KIDINS220: variants seen among roughly 807,000 people sequenced by gnomAD.
KIDINS220 encodes kinase D-interacting substrate of 220 kDa.
KIDINS220 carries 63 observed loss-of-function variants against 157.6 expected under a neutral mutation model. The ratio of observed to expected loss-of-function variants is 0.40; its 90% confidence interval spans 0.33 to 0.49. The LOEUF (loss-of-function observed/expected upper bound fraction) is 0.49, where lower values mean the gene tolerates loss of function less well. Ranked by LOEUF, KIDINS220 falls within the 20% of genes least tolerant of loss-of-function variation. KIDINS220 has a pLI of 0.66. For missense variants in KIDINS220, 1,772 were observed against 2,171.2 expected (o/e 0.82, Z 3.65); for synonymous variants, 732 against 783.6 (o/e 0.93, Z 1.10).
At chr2:8,762,852 G>T (rs1668956473) in intron 22 of KIDINS220, among the ~76,000 whole-genome samples, 1 of 152,194 alleles carries the variant, frequency 6.6e-6, no homozygotes, top group African/African-American at 2.4e-5. Flanking sequence ...ACAAACAGAT[G>T]TACCAGATGT....
At chr2:8,817,970 C>T (rs1271731830) in intron 3 of KIDINS220, among the ~76,000 whole-genome samples, 2 of 152,148 alleles carry the variant, frequency 1.3e-5, no homozygotes, top group Non-Finnish European at 2.9e-5. Context: ...TAATCATATA[C>T]TGCGCTTTTT....
At chr2:8,786,785 T>C (rs1252258393) in intron 15 of KIDINS220, among the ~76,000 whole-genome samples, 1 of 152,150 alleles carries the variant, frequency 6.6e-6, no homozygotes, top group Admixed American at 6.5e-5. Context: ...AAAATATTAA[T>C]TACAGTCATT....
chr2:8,758,797 T>TCA (rs1289833155), intron 22 of KIDINS220, among the ~76,000 whole-genome samples: 1 of 152,182 alleles, frequency 6.6e-6, no homozygotes, highest in Non-Finnish European at 1.5e-5. Context: ...ATTCCATGAG[T>TCA]CACCTTTCCT....
At chr2:8,739,996 T>C (rs2147990740) in intron 26 of KIDINS220, among the ~76,000 whole-genome samples, 1 of 152,348 alleles carries the variant, frequency 6.6e-6, no homozygotes, top group Admixed American at 6.5e-5. Flanking sequence ...CAAAACTGAT[T>C]AGCCAGAAAT....
At chr2:8,768,587 T>C (rs1669771800) in intron 22 of KIDINS220, among the ~76,000 whole-genome samples, 1 of 152,310 alleles carries the variant, frequency 6.6e-6, no homozygotes, top group African/African-American at 2.4e-5. Flanking sequence ...ATTAAAAAAA[T>C]AAATTTTACT....
chr2:8,800,922 G>A lies in KIDINS220; in HGVS notation c.802-424C>T, dbSNP rs571246568. Among the ~76,000 whole-genome samples the A allele has an allele frequency of 5.3e-5, 8 of 152,250 alleles. No individual in the cohort carries two copies. The South Asian group carries it at 6.2e-4, about 12-fold the overall frequency. On this transcript the variant is annotated intron_variant, in intron 8 of 29. Coordinates refer to ENST00000256707, the MANE Select transcript of KIDINS220 (RefSeq NM_020738.4). Reference sequence around the variant, plus strand: ...CGAAAGCCATGAATTCTAAAAAAACGGAGCTATAAAGCTAAAACTATCAGT... The same window carrying A: ...CGAAAGCCATGAATTCTAAAAAAACAGAGCTATAAAGCTAAAACTATCAGT...
chr2:8,733,913 T>C (rs1664499618), intron 28 of KIDINS220, among the ~76,000 whole-genome samples: 1 of 152,192 alleles, frequency 6.6e-6, no homozygotes, highest in African/African-American at 2.4e-5. Context: ...CTGCAATTTG[T>C]CCATTAAATT....
chr2:8,793,036 T>C (rs1673421661), intron 12 of KIDINS220, among the ~76,000 whole-genome samples: 1 of 152,144 alleles, frequency 6.6e-6, no homozygotes, highest in South Asian at 2.1e-4. Flanking sequence ...GTATGTAACA[T>C]TTTTATAAGC....
chr2:8,796,412 C>G (rs910848551), intron 11 of KIDINS220, among the ~76,000 whole-genome samples: 1 of 152,148 alleles, frequency 6.6e-6, no homozygotes, highest in African/African-American at 2.4e-5. Flanking sequence ...TGAACATTAA[C>G]ACCGTCTGCT....
chr2:8,833,479 CTTTTTT>C (rs34083774), intron 1 of KIDINS220, among the ~76,000 whole-genome samples: 1 of 129,108 alleles, frequency 7.7e-6, no homozygotes, highest in African/African-American at 2.9e-5. Context: ...TTAAATTTGT[CTTTTTT>C]TTTTTTTTTT....
intron 13 of KIDINS220, 107 bp downstream of exon 13, chr2:8,790,953 A>C: frequency 1.0e-6 from 1 of 996,622 alleles, no homozygotes; most frequent in Non-Finnish European, 1.5e-6. Flanking sequence ...AGTAAACCAC[A>C]TAACACACAT....
intron 24 of KIDINS220, among the ~76,000 whole-genome samples, chr2:8,748,964 G>A (rs796071338): frequency 1.3e-5 from 2 of 152,142 alleles, no homozygotes; most frequent in East Asian, 1.9e-4. Context: ...TGGTATCAAC[G>A]GAGCTATTTT....
At chr2:8,836,896 A>C (rs777467810) in intron 1 of KIDINS220, among the ~76,000 whole-genome samples, 9 of 152,236 alleles carry the variant, frequency 5.9e-5, no homozygotes, top group Non-Finnish European at 1.0e-4. Flanking sequence ...TGAAAGAATA[A>C]AAATTCCAAC....
chr2:8,750,245 C>G lies in KIDINS220; in HGVS notation c.3281G>C (p.Gly1094Ala). The G allele has an allele frequency of 6.2e-7, 1 of 1,613,934 alleles. No individual in the cohort carries two copies. The highest frequency in any genetic ancestry group is 2.2e-5 in the East Asian group (1 of 44,868). ...LHEGPPRAPS[G>A]YSQPPSVCSS... ...GCACACGGATGGGGGCTGGCTGTAC[C>G]CTGATGGCGCCCTAGGAGGACCCTC... The change falls in exon 24 of 30, where the codon GGG (glycine) becomes GCG (alanine). Residue 1094 changes from glycine to alanine, a missense_variant. By Grantham distance (60) the Gly-to-Ala change is moderately conservative. This residue lies in a region of KIDINS220 where 793 missense variants were observed against 885.5 expected (regional missense o/e 0.90). Coordinates refer to ENST00000256707, the MANE Select transcript of KIDINS220 (RefSeq NM_020738.4).
chr2:8,814,622 ACTG>A lies in KIDINS220; in HGVS notation c.307-1290_307-1288del, dbSNP rs879575020. Among the ~76,000 whole-genome samples the A allele has an allele frequency of 2.0e-5, 3 of 152,248 alleles. No individual in the cohort carries two copies. The East Asian group carries it at 5.8e-4, about 29-fold the overall frequency. Reference sequence around the variant, plus strand: ...TTACACCACCACAGTTATGGTAGTAACTGCTGCAAGTAAGATTCACTGATGAAT... The same window carrying A: ...TTACACCACCACAGTTATGGTAGTAACTGCAAGTAAGATTCACTGATGAAT... On this transcript the variant is annotated intron_variant, in intron 4 of 29. Transcript: ENST00000256707.
chr2:8,786,472 A>G lies in KIDINS220; in HGVS notation c.1788-115T>C, dbSNP rs1356967270. 3 of 878,938 alleles carry G rather than the reference A, an allele frequency of 3.4e-6. No individual in the cohort carries two copies. The East Asian group carries it at 7.5e-5, about 22-fold the overall frequency. The allele number at this position is 878,938 out of a possible 1,614,324, so 54.4% of individuals were successfully genotyped here. A position where few individuals can be genotyped will look rare whatever the true frequency, so the allele number is the denominator to read the frequency against. On this transcript the variant is annotated intron_variant, in intron 15 of 29. Coordinates refer to ENST00000256707, the MANE Select transcript of KIDINS220 (RefSeq NM_020738.4). ...ATTTTCTTTTTGTCTCTTTCAAAAT[A>G]TTGTTTTTTAAATTCCAAGGAGGGA...
intron 6 of KIDINS220, among the ~76,000 whole-genome samples, chr2:8,809,905 G>C (rs1344050504): frequency 6.6e-6 from 1 of 151,978 alleles, no homozygotes; most frequent in Non-Finnish European, 1.5e-5. Context: ...AGTGTCTACA[G>C]GCCAGATGTC....
In KIDINS220 at chr2:8,738,812, T is replaced by C. The variant is rs551774260; in HGVS notation, c.3586-1813A>G. Among the ~76,000 whole-genome samples, 17 of 152,334 alleles carry C rather than the reference T, an allele frequency of 1.1e-4. No individual in the cohort carries two copies. The South Asian group carries it at 2.9e-3, about 26-fold the overall frequency. ...GCTGGTGAAATTCATATAAAGTCTG[T>C]AGTTTAGTTAATAGTATTATGCCAA... On this transcript the variant is annotated intron_variant, in intron 26 of 29. Transcript: ENST00000256707.
At chr2:8,721,340 C>T (rs1662948000), downstream of KIDINS220, 1 of 152,112 alleles carries the variant, frequency 6.6e-6, no homozygotes, top group Non-Finnish European at 1.5e-5. Context: ...ACACTATGTA[C>T]AAAGTTTAAG....
Sources: gnomAD v4.1 joint callset for allele counts (sites outside exome capture counted in the v4.1 genomes callset) on GRCh38, gnomAD v4.1.1 for gene constraint, gnomAD v4.1.1 regional missense constraint, MANE v1.5 for transcripts, NCBI Gene and HGNC (gene_info 2026-07-23, HGNC 2026-07-21) for gene names.